Variants in ADGRL2 observed in about 807,000 individuals in gnomAD.
ADGRL2 encodes the protein calcium-independent alpha-latrotoxin receptor 2.
In ADGRL2, 44 loss-of-function variants were observed where a neutral mutation model predicts 157.4. That is an observed-to-expected ratio of 0.28 (90% CI 0.22 to 0.36). The LOEUF is 0.36. Among genes scored for constraint, ADGRL2 ranks in the 10% least tolerant of loss-of-function variants. The pLI is 1.00. For synonymous variants in ADGRL2, 585 were observed against 624.7 expected (o/e 0.94, Z 0.95); for missense variants, 1,510 against 1,768.9 (o/e 0.85, Z 2.63).
chr1:81,557,531 A>AAAGAAAGAAAGAAAGAG (rs1557459430), intron 2 of ADGRL2: 18 of 150,666 alleles, frequency 1.2e-4, no homozygotes, highest in African/African-American at 1.7e-4. Flanking sequence ...GAAAGAGAAG[A>AAAGAAAGAAAGAAAGAG]AAGAAAGAAA....
intron 1 of ADGRL2, among the ~76,000 whole-genome samples, chr1:81,399,315 T>C (rs549580678): frequency 6.6e-6 from 1 of 152,326 alleles, no homozygotes; most frequent in East Asian, 1.9e-4. Flanking sequence ...ACCATATCAA[T>C]ATCTCTGTTG....
At chr1:81,987,276 T>C in intron 22 of ADGRL2, 1 of 1,591,286 alleles carries the variant, frequency 6.3e-7, no homozygotes, top group Non-Finnish European at 8.6e-7. Context: ...TAAATCTTAA[T>C]ATATTATTAC....
chr1:81,310,985 C>A (rs1157026814), intron 1 of ADGRL2, among the ~76,000 whole-genome samples: 1 of 152,054 alleles, frequency 6.6e-6, no homozygotes, highest in South Asian at 2.1e-4. Context: ...TTACTAAATT[C>A]TTTGGCTGTA....
chr1:81,482,950 A>G (rs912994410), intron 2 of ADGRL2, among the ~76,000 whole-genome samples: 2 of 152,044 alleles, frequency 1.3e-5, no homozygotes, highest in South Asian at 2.1e-4. Context: ...TTTCTCTTCC[A>G]TGACTACTCT....
intron 1 of ADGRL2, among the ~76,000 whole-genome samples, chr1:81,362,167 A>C (rs1182152097): frequency 2.0e-5 from 3 of 151,944 alleles, no homozygotes; most frequent in Non-Finnish European, 4.4e-5. Flanking sequence ...GCTTTCATTA[A>C]GCATTCCTAT....
At chr1:81,830,225 A>C (rs1236794881) in intron 1 of ADGRL2, among the ~76,000 whole-genome samples, 2 of 152,222 alleles carry the variant, frequency 1.3e-5, no homozygotes, top group African/African-American at 2.4e-5. Flanking sequence ...AAGGTAAAAA[A>C]AATTAATGAA....
intron 2 of ADGRL2, among the ~76,000 whole-genome samples, chr1:81,793,719 G>C (rs116207160): frequency 6.6e-6 from 1 of 151,128 alleles, no homozygotes; most frequent in South Asian, 2.1e-4. Context: ...GCAAATAGGC[G>C]AGCATTATCA....
At chr1:81,432,829 A>G (rs7539557) in intron 1 of ADGRL2, among the ~76,000 whole-genome samples, 131,586 of 152,116 alleles carry the variant, frequency 0.87, 57,114 homozygotes, top group East Asian at 0.97. Flanking sequence ...TTGGGGCGGC[A>G]TGGGGAATGT....
intron 3 of ADGRL2, among the ~76,000 whole-genome samples, chr1:81,589,639 A>T (rs146366061): frequency 6.6e-5 from 10 of 152,306 alleles, no homozygotes; most frequent in African/African-American, 2.4e-4. Flanking sequence ...CAGATAGAGG[A>T]CCTTCACCTA....
chr1:81,495,524 C>T (rs1428531755), intron 2 of ADGRL2, among the ~76,000 whole-genome samples: 3 of 152,118 alleles, frequency 2.0e-5, no homozygotes, highest in Admixed American at 2.0e-4. Context: ...AACCCTCTCC[C>T]TCTCATCTCT....
intron 1 of ADGRL2, among the ~76,000 whole-genome samples, chr1:81,324,264 G>A (rs1211629797): frequency 6.6e-6 from 1 of 152,040 alleles, no homozygotes; most frequent in African/African-American, 2.4e-5. Flanking sequence ...AGCATTTTGG[G>A]AGGCCAAGGC....
intron 1 of ADGRL2, among the ~76,000 whole-genome samples, chr1:81,316,518 A>G (rs1405897315): frequency 1.3e-5 from 2 of 152,196 alleles, no homozygotes; most frequent in Admixed American, 6.5e-5. Context: ...TATCATTTTC[A>G]TAGCTTATTC....
chr1:81,825,194 C>G (rs188728035), intron 1 of ADGRL2, among the ~76,000 whole-genome samples: 2 of 152,002 alleles, frequency 1.3e-5, no homozygotes, highest in Admixed American at 1.3e-4. Flanking sequence ...TACTAAAAAT[C>G]AAAAATAAAG....
chr1:81,906,000 T>G (rs2148285640), intron 2 of ADGRL2, among the ~76,000 whole-genome samples: 1 of 146,708 alleles, frequency 6.8e-6, no homozygotes, highest in African/African-American at 2.6e-5. Context: ...ATATAAAAGT[T>G]TATGAACTTG....
rs1355774382 is a variant in ADGRL2 at position 81,427,082 on chromosome 1, G to T, written c.-301-17954G>T. ...ATGGGCATAATTGTGAAGTGAAAAG[G>T]CCCTTTCTAAACAAGAGATGCAGTC... On this transcript the variant is annotated intron_variant, in intron 1 of 24. Transcript: ENST00000370721. The T allele has an allele frequency of 4.1e-6, 6 of 1,456,678 alleles. No individual in the cohort carries two copies. In the African/African-American group the frequency reaches 8.4e-5, roughly 20 times the overall value. The allele number at this position is 1,456,678 out of a possible 1,614,324, so 90.2% of individuals were successfully genotyped here. A position where few individuals can be genotyped will look rare whatever the true frequency, so the allele number is the denominator to read the frequency against.
intron 2 of ADGRL2, among the ~76,000 whole-genome samples, chr1:81,560,490 A>G (rs1289691019): frequency 6.6e-6 from 1 of 152,206 alleles, no homozygotes; most frequent in Non-Finnish European, 1.5e-5. Flanking sequence ...TCAGCGTCCA[A>G]TAGGCAACAG....
At chr1:81,457,184 T>C (rs2077825172) in intron 2 of ADGRL2, among the ~76,000 whole-genome samples, 1 of 152,158 alleles carries the variant, frequency 6.6e-6, no homozygotes, top group African/African-American at 2.4e-5. Flanking sequence ...AATTTCTTTT[T>C]TTCCTAAACC....
At chr1:81,735,797 A>T (rs909607119) in intron 1 of ADGRL2, among the ~76,000 whole-genome samples, 1 of 151,820 alleles carries the variant, frequency 6.6e-6, no homozygotes, top group Non-Finnish European at 1.5e-5. Context: ...CTCAAAAAAA[A>T]AAAGGTGTAA....
At chr1:81,663,406 C>T (rs1343343729) in intron 3 of ADGRL2, among the ~76,000 whole-genome samples, 3 of 152,150 alleles carry the variant, frequency 2.0e-5, no homozygotes, top group Non-Finnish European at 2.9e-5. Flanking sequence ...AGTTAAGCTT[C>T]TATCAGCTGG....
Sources: allele counts gnomAD v4.1 joint callset (sites outside exome capture counted in the v4.1 genomes callset), GRCh38; gene constraint gnomAD v4.1.1; transcripts MANE v1.5; gene names NCBI Gene and HGNC (gene_info 2026-07-23, HGNC 2026-07-21).